Variants in PLIN3 observed in about 807,000 individuals in gnomAD.
The protein encoded by PLIN3 is perilipin 3.
In PLIN3, 30 loss-of-function variants were observed where a neutral mutation model predicts 35.9. The observed-to-expected ratio is 0.84, with a 90% CI of 0.62 to 1.13. PLIN3 has a LOEUF of 1.13. Among genes scored for constraint, PLIN3 ranks in the 50% most tolerant of loss-of-function variants. PLIN3 has a pLI of 0.00. For synonymous variants in PLIN3, 261 were observed against 262.5 expected, an observed-to-expected ratio of 0.99 and a Z score of 0.06; for missense variants, 603 against 596.9, an observed-to-expected ratio of 1.01 and a Z score of -0.11.
chr19:4,841,423 C>T (rs1417150516), intron 7 of PLIN3, among the ~76,000 whole-genome samples: 1 of 151,928 alleles, frequency 6.6e-6, no homozygotes, highest in East Asian at 1.9e-4. Context: ...CATCCAGAGA[C>T]AGGAGGGGAT....
chr19:4,841,045 T>C (rs2029883484), intron 7 of PLIN3, among the ~76,000 whole-genome samples: 1 of 152,158 alleles, frequency 6.6e-6, no homozygotes, highest in Admixed American at 6.6e-5. Flanking sequence ...GCTGGTGGTA[T>C]AGTTACTTTG....
At chr19:4,853,691 T>A (rs4807657) in intron 4 of PLIN3, among the ~76,000 whole-genome samples, 1 of 151,130 alleles carries the variant, frequency 6.6e-6, no homozygotes, top group Non-Finnish European at 1.5e-5. Flanking sequence ...TGCATGTCTG[T>A]AATCCTTACT....
chr19:4,858,701 G>GTT (rs1238404775), intron 4 of PLIN3, among the ~76,000 whole-genome samples: 81 of 78,194 alleles, frequency 1.0e-3, no homozygotes, highest in East Asian at 1.9e-3. Flanking sequence ...TGTTTTTTTG[G>GTT]TTTTTTTTTT....
chr19:4,841,413 C>T (rs2029889116), intron 7 of PLIN3, among the ~76,000 whole-genome samples: 1 of 152,012 alleles, frequency 6.6e-6, no homozygotes, highest in South Asian at 2.1e-4. Context: ...AGGACAGGCC[C>T]ATCCAGAGAC....
intron 1 of PLIN3, 86 bp from the exon 2 acceptor site, chr19:4,861,497 G>A: frequency 3.3e-6 from 3 of 898,504 alleles, no homozygotes; most frequent in Non-Finnish European, 5.4e-6. Context: ...CTGGAAGACA[G>A]GGTTCACACC....
chr19:4,863,456 C>T (rs1373846309), intron 1 of PLIN3, among the ~76,000 whole-genome samples: 3 of 149,430 alleles, frequency 2.0e-5, no homozygotes, highest in African/African-American at 5.0e-5. Flanking sequence ...GAGATCGCGC[C>T]GCTGCACTCC....
rs374944230 is a variant in PLIN3 at position 4,857,431 on chromosome 19, G to A, written c.348+2159C>T. On this transcript the variant is annotated intron_variant, in intron 4 of 7. Transcript: ENST00000221957. Reference sequence around the variant, plus strand: ...CAAAAAATTAAAAATAGCCAGGCATGGTGGTGCATGCCTGTGGTCCCAGCT... The same window carrying A: ...CAAAAAATTAAAAATAGCCAGGCATAGTGGTGCATGCCTGTGGTCCCAGCT... Among the ~76,000 whole-genome samples the A allele has an allele frequency of 5.2e-4, 79 of 151,982 alleles. No homozygotes were observed. In the South Asian group the frequency reaches 0.015, roughly 30 times the overall value.
chr19:4,845,224 G>A (rs1478919320), intron 6 of PLIN3, among the ~76,000 whole-genome samples: 4 of 151,926 alleles, frequency 2.6e-5, no homozygotes, highest in Non-Finnish European at 4.4e-5. Context: ...TCAGGAGTTC[G>A]AGACCAGCCT....
chr19:4,865,730 G>GT (rs35687506), intron 1 of PLIN3, among the ~76,000 whole-genome samples: 34,540 of 131,224 alleles, frequency 0.26, 5,211 homozygotes, highest in Non-Finnish European at 0.36. Context: ...TTTTTTTTTT[G>GT]TTTTTTTTTT....
chr19:4,864,370 T>C (rs1443627544), intron 1 of PLIN3, among the ~76,000 whole-genome samples: 1 of 151,704 alleles, frequency 6.6e-6, no homozygotes, highest in Non-Finnish European at 1.5e-5. Flanking sequence ...AGGCTGGTCT[T>C]GAACACCTGA....
intron 5 of PLIN3, among the ~76,000 whole-genome samples, chr19:4,849,721 C>T (rs534532286): frequency 2.0e-5 from 3 of 151,334 alleles, no homozygotes; most frequent in Non-Finnish European, 4.4e-5. Context: ...GGCATGATCT[C>T]GGCTCACTGC....
chr19:4,852,775 G>A (rs1381767978), intron 4 of PLIN3, among the ~76,000 whole-genome samples: 1 of 151,890 alleles, frequency 6.6e-6, no homozygotes, highest in African/African-American at 2.4e-5. Context: ...GAAGCAGCTG[G>A]GATTACAGGT....
rs557958491 is a variant in PLIN3 at position 4,862,216 on chromosome 19, C to T, written c.-17-805G>A. Among the ~76,000 whole-genome samples the T allele has an allele frequency of 2.6e-5, 4 of 151,796 alleles. No homozygotes were observed. In the East Asian group the frequency reaches 5.8e-4, roughly 22 times the overall value. ...CACGATCTCGGCTCACTGTAACCTC[C>T]ACCTCCCACGTTCAAGCAATTCCCC... On this transcript the variant is annotated intron_variant, in intron 1 of 7. Coordinates refer to ENST00000221957, the MANE Select transcript of PLIN3 (RefSeq NM_005817.5).
intron 4 of PLIN3, among the ~76,000 whole-genome samples, chr19:4,854,635 TGA>T (rs2146208396): frequency 6.6e-6 from 1 of 152,082 alleles, no homozygotes; most frequent in East Asian, 1.9e-4. Context: ...ACGCCCCCGA[TGA>T]GAGTCAGGTT....
At chr19:4,844,512 T>C (rs1290113616) in intron 7 of PLIN3, among the ~76,000 whole-genome samples, 156 bp downstream of exon 7, 1 of 151,876 alleles carries the variant, frequency 6.6e-6, no homozygotes, top group Non-Finnish European at 1.5e-5. Context: ...AGAGGAGAAA[T>C]CAAGGCAGGC....
At chr19:4,846,256 A>G (rs1272313645) in intron 6 of PLIN3, among the ~76,000 whole-genome samples, 1 of 150,820 alleles carries the variant, frequency 6.6e-6, no homozygotes, top group Non-Finnish European at 1.5e-5. Flanking sequence ...TGCACCTAAG[A>G]GGCTGCAGTG....
At chr19:4,858,701 GT>G (rs1238404775) in intron 4 of PLIN3, among the ~76,000 whole-genome samples, 18,677 of 77,828 alleles carry the variant, frequency 0.24, 1,492 homozygotes, top group Non-Finnish European at 0.33. Flanking sequence ...TGTTTTTTTG[GT>G]TTTTTTTTTT....
intron 1 of PLIN3, among the ~76,000 whole-genome samples, chr19:4,865,728 T>C (rs1374211904): frequency 1.5e-5 from 2 of 129,470 alleles, no homozygotes; most frequent in South Asian, 4.9e-4. Flanking sequence ...TTTTTTTTTT[T>C]TGTTTTTTTT....
In PLIN3 at chr19:4,859,632, C is replaced by T. The variant is rs11552102; in HGVS notation, c.306G>A (p.Lys102=). 3.0e-4 allele frequency: 481 copies of T among 1,614,208 alleles called. 2 individuals carry two copies. In the African/African-American group the frequency reaches 5.4e-3, roughly 18 times the overall value. ...GCAGGATGGGGAGGTTCTCCTCCAACTTGTCCAGCCCCCTGTGGGCGTATT... is the reference window on the plus strand; with the variant it reads ...GCAGGATGGGGAGGTTCTCCTCCAATTTGTCCAGCCCCCTGTGGGCGTATT... ...ASEYAHRGLD[K]LEENLPILQQ... Residue 102 remains lysine (K), a synonymous_variant, in exon 4 of 8, where the codon AAG becomes AAA. Transcript: ENST00000221957.
Sources: allele counts gnomAD v4.1 joint callset (sites outside exome capture counted in the v4.1 genomes callset), GRCh38; gene constraint gnomAD v4.1.1; transcripts MANE v1.5; gene names NCBI Gene and HGNC (gene_info 2026-07-23, HGNC 2026-07-21).